The following CEMIP variants were observed in gnomAD, a reference collection of about 807,000 sequenced individuals.
CEMIP encodes the protein cell migration-inducing and hyaluronan-binding protein.
CEMIP carries 105 observed loss-of-function variants against 156.9 expected under a neutral mutation model. That is an observed-to-expected ratio of 0.67 (90% CI 0.57 to 0.79). CEMIP has a LOEUF of 0.79. Ranked by LOEUF, CEMIP falls within the 30% of genes least tolerant of loss-of-function variation. The pLI is 0.00. For missense variants in CEMIP, 1,457 were observed against 1,769.4 expected (o/e 0.82, Z 3.17); for synonymous variants, 676 against 668.4 (o/e 1.01, Z -0.17).
At chr15:80,912,846 T>C (rs933271137) in intron 14 of CEMIP, among the ~76,000 whole-genome samples, 3 of 152,166 alleles carry the variant, frequency 2.0e-5, no homozygotes, top group Non-Finnish European at 4.4e-5. Flanking sequence ...CGGCTGACTA[T>C]GTTTGGAAAG....
intron 1 of CEMIP, among the ~76,000 whole-genome samples, chr15:80,826,882 T>C (rs1897049709): frequency 1.3e-5 from 2 of 152,182 alleles, no homozygotes; most frequent in South Asian, 4.1e-4. Context: ...GGGTTTGAGT[T>C]TTCACCTTCT....
At chr15:80,788,907 A>G (rs1313303434) in intron 1 of CEMIP, among the ~76,000 whole-genome samples, 1 of 152,086 alleles carries the variant, frequency 6.6e-6, no homozygotes, top group African/African-American at 2.4e-5. Flanking sequence ...AAAAAAAAAA[A>G]TCAATAATAT....
intron 10 of CEMIP, among the ~76,000 whole-genome samples, chr15:80,894,208 AAAAGACATT>A (rs1269662553): frequency 6.6e-6 from 1 of 152,172 alleles, no homozygotes; most frequent in African/African-American, 2.4e-5. Context: ...ACATTTGAAC[AAAAGACATT>A]AGGCGGCTTC....
At chr15:80,941,739 G>A (rs1028358665) in intron 25 of CEMIP, 110 bp from the exon 26 acceptor site, 26 of 965,206 alleles carry the variant, frequency 2.7e-5, no homozygotes, top group South Asian at 1.1e-4. Flanking sequence ...CTATAAGGCC[G>A]CTGGGTCTAC....
chr15:80,909,042 G>T (rs563631944), intron 13 of CEMIP, 55 bp from the exon 14 acceptor site: 1 of 1,547,916 alleles, frequency 6.5e-7, no homozygotes, highest in African/African-American at 1.4e-5. Context: ...GCACCAGCCA[G>T]GGAAATCACA....
chr15:80,926,272 G>T (rs1309093324), intron 19 of CEMIP, among the ~76,000 whole-genome samples: 1 of 152,188 alleles, frequency 6.6e-6, no homozygotes, highest in Admixed American at 6.5e-5. Context: ...AGACCCAAAT[G>T]AAAAAGGCAG....
intron 12 of CEMIP, among the ~76,000 whole-genome samples, chr15:80,900,041 T>C (rs1460515744): frequency 6.6e-6 from 1 of 152,160 alleles, no homozygotes; most frequent in Admixed American, 6.5e-5. Context: ...TGGGAGGGCA[T>C]GCCAGGGAGA....
intron 21 of CEMIP, among the ~76,000 whole-genome samples, chr15:80,930,668 T>G (rs763570963): frequency 8.6e-5 from 13 of 151,214 alleles, no homozygotes; most frequent in Non-Finnish European, 1.5e-4. Context: ...ATGCAAGGAG[T>G]CTTTGGTGCC....
chr15:80,847,274 C>T (rs1282833163), intron 1 of CEMIP, among the ~76,000 whole-genome samples: 1 of 152,166 alleles, frequency 6.6e-6, no homozygotes, highest in Non-Finnish European at 1.5e-5. Context: ...GTTTTGAACT[C>T]CTGACCTTAA....
chr15:80,838,044 C>G lies in CEMIP; in HGVS notation c.-175-35494C>G, dbSNP rs148196806. Among the ~76,000 whole-genome samples, 7 of 152,322 alleles carry G rather than the reference C, an allele frequency of 4.6e-5. No homozygotes were observed. In the East Asian group the frequency reaches 7.7e-4, roughly 17 times the overall value. ...TCCCAGGTGTGCTGTATGCAACAGC[C>G]CCCCCAGGTCTCTATGCTGCTGTTC... On this transcript the variant is annotated intron_variant, in intron 1 of 29. Transcript: ENST00000394685.
chr15:80,871,475 T>C (rs2141801665), intron 1 of CEMIP, among the ~76,000 whole-genome samples: 1 of 152,330 alleles, frequency 6.6e-6, no homozygotes, highest in Non-Finnish European at 1.5e-5. Context: ...AGAGCTTCAA[T>C]GTCCATGTCA....
chr15:80,816,292 C>T lies in CEMIP; in HGVS notation c.-176+36678C>T, dbSNP rs189205042. Among the ~76,000 whole-genome samples the T allele has an allele frequency of 5.8e-3, 881 of 152,280 alleles. 4 individuals are homozygous for T. The highest frequency in any genetic ancestry group is 0.014 in the Middle Eastern group (4 of 294). ...TGGTGGCTGAGGCAGGCTAGGCTAG[C>T]TACCACTCACAGTTTTCCAGGGAGT... On this transcript the variant is annotated intron_variant, in intron 1 of 29. Coordinates refer to ENST00000394685, the MANE Select transcript of CEMIP (RefSeq NM_001293298.2).
intron 12 of CEMIP, among the ~76,000 whole-genome samples, chr15:80,899,696 G>A (rs918700104): frequency 6.6e-6 from 1 of 152,172 alleles, no homozygotes; most frequent in African/African-American, 2.4e-5. Context: ...TATTCTGAGT[G>A]CACAGGGAAG....
chr15:80,900,585 GGTGTGTGT>G (rs57724852), intron 12 of CEMIP, among the ~76,000 whole-genome samples: 2,184 of 74,962 alleles, frequency 0.029, 22 homozygotes, highest in South Asian at 0.053. Flanking sequence ...CCCAGGTAGG[GGTGTGTGT>G]GTGTGTGTGT....
chr15:80,839,622 CAG>C (rs149218391), intron 1 of CEMIP, among the ~76,000 whole-genome samples: 5,223 of 152,180 alleles, frequency 0.034, 317 homozygotes, highest in African/African-American at 0.12. Context: ...TTGTGGCTAA[CAG>C]GGGCTGTGCT....
At chr15:80,823,488 G>C (rs1211813493) in intron 1 of CEMIP, among the ~76,000 whole-genome samples, 1 of 152,182 alleles carries the variant, frequency 6.6e-6, no homozygotes, top group Non-Finnish European at 1.5e-5. Context: ...GCTCTGCAGG[G>C]ACTTTTCAGT....
intron 7 of CEMIP, among the ~76,000 whole-genome samples, 165 bp downstream of exon 7, chr15:80,884,519 A>G (rs977795252): frequency 6.6e-6 from 1 of 152,172 alleles, no homozygotes; most frequent in African/African-American, 2.4e-5. Flanking sequence ...CATATTTGGG[A>G]ATTGTTCTTA....
intron 1 of CEMIP, among the ~76,000 whole-genome samples, chr15:80,820,664 G>A (rs1422259159): frequency 6.6e-6 from 1 of 152,224 alleles, no homozygotes; most frequent in African/African-American, 2.4e-5. Flanking sequence ...AAGGGCACAG[G>A]CCATAGAAGC....
chr15:80,899,765 G>C (rs947494358), intron 12 of CEMIP, among the ~76,000 whole-genome samples: 1 of 152,184 alleles, frequency 6.6e-6, no homozygotes, highest in Non-Finnish European at 1.5e-5. Context: ...GTCTAGATTT[G>C]TGTTTATAGG....
Sources: allele counts gnomAD v4.1 joint callset (sites outside exome capture counted in the v4.1 genomes callset), GRCh38; gene constraint gnomAD v4.1.1; transcripts MANE v1.5; gene names NCBI Gene and HGNC (gene_info 2026-07-23, HGNC 2026-07-21).